Variants in CSE1L observed in about 807,000 individuals in gnomAD.
The protein encoded by CSE1L is exportin-2.
In CSE1L, 24 loss-of-function variants were observed where a neutral mutation model predicts 120.4. That is an observed-to-expected ratio of 0.20 (90% CI 0.14 to 0.28). CSE1L has a LOEUF of 0.28. Ranked by LOEUF, CSE1L falls within the 10% of genes least tolerant of loss-of-function variation. The pLI is 1.00. For missense variants in CSE1L, 830 were observed against 1,145.2 expected (o/e 0.72, Z 3.97); for synonymous variants, 402 against 398.3 (o/e 1.01, Z -0.11).
chr20:49,082,976 T>G (rs1455004515), intron 14 of CSE1L, among the ~76,000 whole-genome samples: 1 of 152,002 alleles, frequency 6.6e-6, no homozygotes, highest in Non-Finnish European at 1.5e-5. Context: ...TGCTCCACCG[T>G]ACCCACCTAC....
Position 49,074,822 on chromosome 20 carries a change from G to A in CSE1L, c.1104G>A (p.Glu368=), listed in dbSNP as rs1430693966. 6.2e-7 allele frequency: 1 copy of A among 1,612,818 alleles called. No homozygotes were observed. Among genetic ancestry groups the A allele is most frequent in the Non-Finnish European group, 8.5e-7 (1 of 1,179,532 alleles). The change falls in exon 11 of 25, where the codon GAG becomes GAA. Residue 368 remains glutamate, a synonymous_variant. Transcript: ENST00000262982. ...DEEAFEDNSE[E]YIRRDLEGSD... Reference sequence around the variant, plus strand: ...AAGCATTTGAAGATAATTCTGAGGAGTACATAAGGAGAGATTTGGAAGGAT... The same window carrying A: ...AAGCATTTGAAGATAATTCTGAGGAATACATAAGGAGAGATTTGGAAGGAT...
At chr20:49,093,748 C>G (rs2092119021) in intron 22 of CSE1L, among the ~76,000 whole-genome samples, 1 of 151,792 alleles carries the variant, frequency 6.6e-6, no homozygotes, top group Non-Finnish European at 1.5e-5. Flanking sequence ...GAAACCCCAT[C>G]TCTACTAAAA....
At chr20:49,086,173 T>G (rs2092055517) in intron 16 of CSE1L, among the ~76,000 whole-genome samples, 2 of 152,072 alleles carry the variant, frequency 1.3e-5, no homozygotes, top group South Asian at 4.1e-4. Flanking sequence ...TCTCAGTGTT[T>G]TTCACTGTTG....
intron 16 of CSE1L, among the ~76,000 whole-genome samples, chr20:49,087,578 A>T (rs779142545): frequency 1.3e-4 from 19 of 151,306 alleles, no homozygotes; most frequent in Non-Finnish European, 2.8e-4. Context: ...TTGGTCTCAG[A>T]CTCTAGCCTC....
intron 1 of CSE1L, 106 bp from the exon 2 acceptor site, chr20:49,058,343 CAGAT>C: frequency 1.5e-6 from 1 of 655,690 alleles, no homozygotes; most frequent in Non-Finnish European, 2.4e-6. Flanking sequence ...TAAAAAACAA[CAGAT>C]GGATGACTTT....
At chr20:49,091,469 C>T (rs532856552) in intron 21 of CSE1L, among the ~76,000 whole-genome samples, 60 of 151,814 alleles carry the variant, frequency 4.0e-4, no homozygotes, top group African/African-American at 1.2e-3. Flanking sequence ...TGCAGTGGCT[C>T]TCATCTGTAA....
At chr20:49,090,003 T>C (rs2092088615) in intron 19 of CSE1L, among the ~76,000 whole-genome samples, 1 of 152,018 alleles carries the variant, frequency 6.6e-6, no homozygotes, top group South Asian at 2.1e-4. Context: ...AGCATGCCTG[T>C]GGTCCCATCT....
At chr20:49,072,494 T>G (rs1318197772) in intron 9 of CSE1L, 41 bp downstream of exon 9, 10 of 1,608,054 alleles carry the variant, frequency 6.2e-6, no homozygotes, top group Non-Finnish European at 6.8e-6. Context: ...AGACATTCTC[T>G]CCCTATCTCC....
At chr20:49,074,472 G>T (rs2091956052) in intron 10 of CSE1L, among the ~76,000 whole-genome samples, 1 of 152,110 alleles carries the variant, frequency 6.6e-6, no homozygotes, top group South Asian at 2.1e-4. Flanking sequence ...CTTATTTGGT[G>T]AAATTAAAAG....
chr20:49,063,126 T>A lies in CSE1L; in HGVS notation c.86-76T>A, dbSNP rs201335585. ...TCTTTTCTCTTTTTTTGATTTTTTT[T>A]TATATATATATATTTGATATATATA... is the stretch of plus-strand genomic sequence containing the variant. On this transcript the variant is annotated intron_variant, in intron 2 of 24. Transcript: ENST00000262982. 0.22 allele frequency: 159,384 copies of A among 723,358 alleles called. 17,841 individuals carry two copies. The highest frequency in any genetic ancestry group is 0.24 in the Non-Finnish European group (124,494 of 521,338). The allele number at this position is 723,358 out of a possible 1,614,324, so 44.8% of individuals were successfully genotyped here.
Position 49,096,652 on chromosome 20 carries a change from T to A in CSE1L, c.*214T>A. 2 of 585,104 alleles carry A rather than the reference T, an allele frequency of 3.4e-6. No homozygotes were observed. The highest frequency in any genetic ancestry group is 6.1e-6 in the Non-Finnish European group (2 of 329,038). The allele number at this position is 585,104 out of a possible 1,614,324, so 36.2% of individuals were successfully genotyped here. On this transcript the variant is annotated 3_prime_UTR_variant, in exon 25 of 25. Coordinates refer to ENST00000262982, the MANE Select transcript of CSE1L (RefSeq NM_001316.4). Reference sequence around the variant, plus strand: ...ATGTGGGTGGCTTCTAGTTTGCAACTTCAAGGGACAAGTATTAATAGTTCA... The same window carrying A: ...ATGTGGGTGGCTTCTAGTTTGCAACATCAAGGGACAAGTATTAATAGTTCA...
chr20:49,066,278 G>A lies in CSE1L; in HGVS notation c.315G>A (p.Glu105=), dbSNP rs1027925485. 26 of 1,614,206 alleles carry A rather than the reference G, an allele frequency of 1.6e-5. No homozygotes were observed. The highest frequency in any genetic ancestry group is 2.1e-5 in the Non-Finnish European group (25 of 1,180,020). The change falls in exon 4 of 25, where the codon GAG becomes GAA. Residue 105 remains glutamate, a synonymous_variant. Coordinates refer to ENST00000262982, the MANE Select transcript of CSE1L (RefSeq NM_001316.4). The part of the protein sequence containing the change: ...NIVHLMLSSP[E]QIQKQLSDAI... ...TGCACTTGATGCTTAGCAGCCCAGA[G>A]CAAATTCAGAAGCAGGTAATGTCGC...
chr20:49,094,595 G>A (rs1176707878), intron 23 of CSE1L, 137 bp from the exon 24 acceptor site: 1 of 667,288 alleles, frequency 1.5e-6, no homozygotes, highest in African/African-American at 1.8e-5. Flanking sequence ...GCCAAGAAAA[G>A]AACCATCTTA....
Position 49,072,324 on chromosome 20 carries a change from C to T in CSE1L, c.807C>T (p.Ser269=). The T allele has an allele frequency of 6.2e-7, 1 of 1,613,924 alleles. No individual in the cohort carries two copies. Among genetic ancestry groups the T allele is most frequent in the South Asian group, 1.1e-5 (1 of 91,072 alleles). ...EEAGLLELLK[S]QICDNAALYA... ...CCGGCTTATTGGAGCTCTTAAAATCCCAGATTTGTGATAATGCCGCACTCT... is the reference window on the plus strand; with the variant it reads ...CCGGCTTATTGGAGCTCTTAAAATCTCAGATTTGTGATAATGCCGCACTCT... The change falls in exon 9 of 25, where the codon TCC becomes TCT. Residue 269 remains serine (S), a synonymous_variant. Coordinates refer to ENST00000262982, the MANE Select transcript of CSE1L (RefSeq NM_001316.4).
chr20:49,060,667 T>C (rs1251564539), intron 2 of CSE1L, among the ~76,000 whole-genome samples: 1 of 151,608 alleles, frequency 6.6e-6, no homozygotes, highest in African/African-American at 2.4e-5. Context: ...CCCCAGCTAC[T>C]TGGGAGGCTG....
Position 49,074,767 on chromosome 20 carries a change from TATC to T in CSE1L, c.1067-14_1067-12del, listed in dbSNP as rs370863014. On this transcript the variant is annotated splice_polypyrimidine_tract_variant and intron_variant, in intron 10 of 24. Transcript: ENST00000262982. ...ACGTCTTTTGGAGTGTTATCTGAAA[TATC>T]ATCTCTCCTTGTAGCTGCTGATGAA... The T allele has an allele frequency of 3.6e-4, 575 of 1,605,508 alleles. 4 individuals carry two copies. The East Asian group carries it at 9.5e-3, about 26-fold the overall frequency.
At chr20:49,095,089 G>C in intron 24 of CSE1L, 126 bp downstream of exon 24, 1 of 758,400 alleles carries the variant, frequency 1.3e-6, no homozygotes, top group Non-Finnish European at 2.2e-6. Flanking sequence ...TTGAGTTACA[G>C]CAAGCTTATT....
intron 2 of CSE1L, among the ~76,000 whole-genome samples, chr20:49,060,278 T>C (rs1278015531): frequency 2.1e-5 from 3 of 145,704 alleles, no homozygotes; most frequent in Non-Finnish European, 4.5e-5. Flanking sequence ...GGTCAAGAGA[T>C]CTAGACCATC....
chr20:49,072,744 T>C (rs369509547), intron 10 of CSE1L, 47 bp downstream of exon 10: 20 of 1,519,182 alleles, frequency 1.3e-5, no homozygotes, highest in East Asian at 2.3e-5. Flanking sequence ...AAGTCTGTGT[T>C]TGTTTTTTGT....
Sources: allele counts gnomAD v4.1 joint callset (sites outside exome capture counted in the v4.1 genomes callset), GRCh38; gene constraint gnomAD v4.1.1; transcripts MANE v1.5; gene names NCBI Gene and HGNC (gene_info 2026-07-23, HGNC 2026-07-21).